The following MAGI2 variants were observed in gnomAD, a reference collection of about 807,000 sequenced individuals.
MAGI2 encodes the protein membrane-associated guanylate kinase, WW and PDZ domain-containing protein 2.
MAGI2 carries 35 observed loss-of-function variants against 133.3 expected under a neutral mutation model. The ratio of observed to expected loss-of-function variants is 0.26; its 90% CI spans 0.20 to 0.35. The LOEUF (loss-of-function observed/expected upper bound fraction) is 0.35. MAGI2 is among the 10% of genes least tolerant of loss of function. The probability of loss-of-function intolerance (pLI) is 1.00; values close to 1 mark genes in which losing one functional copy is unlikely to be tolerated. For synonymous variants in MAGI2, 729 were observed against 710.6 expected, an observed-to-expected ratio of 1.03 and a Z score of -0.41; for missense variants, 1,636 against 1,863.4, an observed-to-expected ratio of 0.88 and a Z score of 2.25.
chr7:78,869,841 C>T (rs1444418063), intron 2 of MAGI2, among the ~76,000 whole-genome samples: 3 of 152,186 alleles, frequency 2.0e-5, no homozygotes, highest in Non-Finnish European at 2.9e-5. Context: ...CAAAGGCTAA[C>T]CATCAGTGTC....
intron 1 of MAGI2, among the ~76,000 whole-genome samples, chr7:79,079,746 A>G (rs1815868775): frequency 6.6e-6 from 1 of 152,172 alleles, no homozygotes; most frequent in African/African-American, 2.4e-5. Context: ...TAACATAACT[A>G]TAGATACTGA....
intron 1 of MAGI2, among the ~76,000 whole-genome samples, chr7:79,049,666 C>T (rs1481771715): frequency 2.6e-5 from 4 of 151,648 alleles, no homozygotes; most frequent in South Asian, 2.1e-4. Context: ...TTTCTAAAAT[C>T]GGCCTTGTTA....
At chr7:78,051,901 T>TTTTTTTTA (rs1812049274) in intron 21 of MAGI2, among the ~76,000 whole-genome samples, 2 of 150,578 alleles carry the variant, frequency 1.3e-5, no homozygotes, top group African/African-American at 4.9e-5. Flanking sequence ...TTTTTTTTTT[T>TTTTTTTTA]AAGACAAGAT....
chr7:78,198,582 C>T (rs1828951156), intron 11 of MAGI2, among the ~76,000 whole-genome samples: 1 of 152,164 alleles, frequency 6.6e-6, no homozygotes, highest in Non-Finnish European at 1.5e-5. Context: ...CAGGCATATG[C>T]CACCATGCCC....
intron 2 of MAGI2, among the ~76,000 whole-genome samples, chr7:78,650,696 T>C (rs1179966540): frequency 1.3e-5 from 2 of 152,206 alleles, no homozygotes; most frequent in African/African-American, 4.8e-5. Context: ...TCAATAATGA[T>C]ATTCAGCAGT....
chr7:79,057,399 T>TA (rs932571893), intron 1 of MAGI2, among the ~76,000 whole-genome samples: 8 of 152,156 alleles, frequency 5.3e-5, no homozygotes, highest in South Asian at 2.1e-4. Context: ...TTTTAAAGGT[T>TA]AAAAAAATCT....
chr7:78,575,139 G>A (rs990273533), intron 3 of MAGI2, among the ~76,000 whole-genome samples: 2 of 133,206 alleles, frequency 1.5e-5, no homozygotes, highest in African/African-American at 4.9e-5. Context: ...GCCCTCTAAG[G>A]ATATTAAACA....
intron 2 of MAGI2, among the ~76,000 whole-genome samples, chr7:78,959,172 T>G (rs189064119): frequency 0.011 from 1,608 of 152,250 alleles, 14 homozygotes; most frequent in Non-Finnish European, 0.018. Flanking sequence ...TTATGGTTGC[T>G]GAAAATATAT....
intron 3 of MAGI2, among the ~76,000 whole-genome samples, chr7:78,557,912 A>C (rs1353472972): frequency 6.6e-6 from 1 of 152,190 alleles, no homozygotes; most frequent in African/African-American, 2.4e-5. Flanking sequence ...ATCTCTATAA[A>C]GTCATCCTGG....
chr7:78,582,601 T>TGCCTGAATGAAC (rs1329164963), intron 3 of MAGI2, among the ~76,000 whole-genome samples: 2 of 152,356 alleles, frequency 1.3e-5, no homozygotes, highest in Middle Eastern at 3.4e-3. Flanking sequence ...AGGAATCTGA[T>TGCCTGAATGAAC]GCCTGAATGA....
At chr7:78,321,182 T>C (rs1313387698) in intron 9 of MAGI2, among the ~76,000 whole-genome samples, 1 of 152,130 alleles carries the variant, frequency 6.6e-6, no homozygotes, top group East Asian at 1.9e-4. Flanking sequence ...ATCATGAAAA[T>C]GGCCACACTG....
intron 9 of MAGI2, among the ~76,000 whole-genome samples, chr7:78,265,283 A>G (rs144320886): frequency 6.6e-6 from 1 of 152,186 alleles, no homozygotes; most frequent in East Asian, 1.9e-4. Context: ...TTATTTGCTG[A>G]TCTGGCAAAG....
intron 3 of MAGI2, among the ~76,000 whole-genome samples, chr7:78,623,937 T>C (rs1463985506): frequency 6.6e-6 from 1 of 152,122 alleles, no homozygotes; most frequent in Non-Finnish European, 1.5e-5. Context: ...GATGTTAGTA[T>C]AACAAAACCT....
intron 1 of MAGI2, among the ~76,000 whole-genome samples, chr7:79,449,754 A>G (rs1306732386): frequency 6.6e-6 from 1 of 151,908 alleles, no homozygotes; most frequent in Non-Finnish European, 1.5e-5. Flanking sequence ...TATGTGGTTT[A>G]TTATTGTGTG....
intron 2 of MAGI2, among the ~76,000 whole-genome samples, chr7:78,932,176 C>T (rs1452962346): frequency 1.3e-5 from 2 of 152,028 alleles, no homozygotes; most frequent in African/African-American, 4.8e-5. Flanking sequence ...ACACCAATGT[C>T]AAGTTTCCCA....
At chr7:79,410,779 A>T (rs1563198595) in intron 1 of MAGI2, 1 of 152,172 alleles carries the variant, frequency 6.6e-6, no homozygotes, top group Non-Finnish European at 1.5e-5. Context: ...GTGATTGCCA[A>T]AAGTAAAATT....
At chr7:78,394,513 C>T (rs184926091) in intron 6 of MAGI2, among the ~76,000 whole-genome samples, 1 of 152,278 alleles carries the variant, frequency 6.6e-6, no homozygotes, top group African/African-American at 2.4e-5. Context: ...ATGTTGTTTG[C>T]TCTGCTTGGA....
chr7:78,466,696 G>T lies in MAGI2; in HGVS notation c.1045+23065C>A, dbSNP rs1308073437. Among the ~76,000 whole-genome samples the T allele has an allele frequency of 6.6e-5, 10 of 152,150 alleles. 1 individual carries two copies. In the East Asian group the frequency reaches 1.4e-3, roughly 21 times the overall value. The stretch of plus-strand genomic sequence containing the variant: ...AGGAAAATTGCTGGTACTTACTGAG[G>T]GCATACTACGTGGTGGGGTGGTTCT... On this transcript the variant is annotated intron_variant, in intron 6 of 21. Transcript: ENST00000354212.
At chr7:78,422,176 G>C (rs1263284138) in intron 6 of MAGI2, among the ~76,000 whole-genome samples, 1 of 152,132 alleles carries the variant, frequency 6.6e-6, no homozygotes, top group Non-Finnish European at 1.5e-5. Flanking sequence ...GCAGGGCACA[G>C]GGCTTTGCAT....
Sources: gnomAD v4.1 joint callset for allele counts (sites outside exome capture counted in the v4.1 genomes callset) on GRCh38, gnomAD v4.1.1 for gene constraint, MANE v1.5 for transcripts, NCBI Gene and HGNC (gene_info 2026-07-23, HGNC 2026-07-21) for gene names.